The following HDAC4 variants were observed in gnomAD, a reference collection of about 807,000 sequenced individuals.
The protein encoded by HDAC4 is histone deacetylase 4.
In HDAC4, 16 loss-of-function variants were observed where a neutral mutation model predicts 135.1. That is an observed-to-expected ratio of 0.12 (90% CI 0.08 to 0.18). HDAC4 has a LOEUF of 0.18. HDAC4 is among the 10% of genes least tolerant of loss of function. The probability of loss-of-function intolerance (pLI) is 1.00; values close to 1 mark genes in which losing one functional copy is unlikely to be tolerated. For missense variants in HDAC4, 1,143 were observed against 1,511.8 expected, an observed-to-expected ratio of 0.76 and a Z score of 4.05; for synonymous variants, 685 against 653.4, an observed-to-expected ratio of 1.05 and a Z score of -0.74.
chr2:239,070,465 C>T (rs1241140433), intron 22 of HDAC4, among the ~76,000 whole-genome samples: 1 of 152,242 alleles, frequency 6.6e-6, no homozygotes, highest in African/African-American at 2.4e-5. Context: ...GCTATGAATC[C>T]ATGCGTATGC....
intron 16 of HDAC4, among the ~76,000 whole-genome samples, chr2:239,101,868 A>G (rs1428018645): frequency 7.2e-6 from 1 of 139,508 alleles, no homozygotes; most frequent in African/African-American, 2.8e-5. Flanking sequence ...TGTGCCCTGG[A>G]CACCCCCGGC....
chr2:239,088,467 C>A (rs192273655), intron 18 of HDAC4, among the ~76,000 whole-genome samples: 1 of 152,232 alleles, frequency 6.6e-6, no homozygotes, highest in Non-Finnish European at 1.5e-5. Flanking sequence ...TCAGTGCTTC[C>A]GAGTGTAGGC....
rs180914877 is a variant in HDAC4 at position 239,252,981 on chromosome 2, G to A, written c.23-16317C>T. On this transcript the variant is annotated intron_variant, in intron 2 of 26. Coordinates refer to ENST00000543185, the MANE Select transcript of HDAC4 (RefSeq NM_001378414.1). Reference sequence around the variant, plus strand: ...GAGAGCCCGCTGGCCACGGCGGCCCGCACTGCACACTTCCTAGCAGGCTTC... The same window carrying A: ...GAGAGCCCGCTGGCCACGGCGGCCCACACTGCACACTTCCTAGCAGGCTTC... Among the ~76,000 whole-genome samples, 345 of 152,332 alleles carry A rather than the reference G, an allele frequency of 2.3e-3. 1 individual carries two copies. Among genetic ancestry groups the A allele is most frequent in the African/African-American group, 7.8e-3 (325 of 41,576 alleles).
At chr2:239,243,836 A>G (rs1301350943) in intron 2 of HDAC4, among the ~76,000 whole-genome samples, 1 of 152,174 alleles carries the variant, frequency 6.6e-6, no homozygotes, top group Non-Finnish European at 1.5e-5. Context: ...TTCCATCAGG[A>G]TGCTGTGCTT....
At chr2:239,301,464 T>G (rs1448828138) in intron 2 of HDAC4, among the ~76,000 whole-genome samples, 1 of 113,036 alleles carries the variant, frequency 8.8e-6, no homozygotes, top group Middle Eastern at 4.0e-3. Flanking sequence ...CTGCTGGTGC[T>G]TTCTTTCTTT....
At chr2:239,191,248 G>A (rs540195174) in intron 3 of HDAC4, among the ~76,000 whole-genome samples, 3 of 152,256 alleles carry the variant, frequency 2.0e-5, no homozygotes, top group East Asian at 1.9e-4. Flanking sequence ...ACAGCTCCTC[G>A]CCCCTCAGGG....
At chr2:239,270,183 C>T (rs527763386) in intron 2 of HDAC4, among the ~76,000 whole-genome samples, 4 of 152,322 alleles carry the variant, frequency 2.6e-5, no homozygotes, top group Non-Finnish European at 4.4e-5. Flanking sequence ...AGCTCTGTCT[C>T]GGGCTGCACT....
At chr2:239,165,151 A>G (rs1424763043) in intron 5 of HDAC4, among the ~76,000 whole-genome samples, 1 of 152,126 alleles carries the variant, frequency 6.6e-6, no homozygotes, top group African/African-American at 2.4e-5. Flanking sequence ...TGAGCCCGGG[A>G]AGTCCAGGCT....
chr2:239,228,413 GAGTT>G (rs1166759544), intron 3 of HDAC4, among the ~76,000 whole-genome samples: 7 of 152,148 alleles, frequency 4.6e-5, no homozygotes, highest in African/African-American at 7.2e-5. Context: ...GTCACTGTGA[GAGTT>G]AGGAGGAAAG....
At chr2:239,191,003 C>G (rs2044910154) in intron 3 of HDAC4, 1 of 464,840 alleles carries the variant, frequency 2.2e-6, no homozygotes, top group Non-Finnish European at 4.4e-6. Context: ...GCTCCTGGCA[C>G]AGCCCAGGGA....
chr2:239,173,293 G>T (rs1439376122), intron 5 of HDAC4, among the ~76,000 whole-genome samples: 1 of 152,104 alleles, frequency 6.6e-6, no homozygotes, highest in African/African-American at 2.4e-5. Flanking sequence ...CTACATAAAA[G>T]ATAATATATT....
chr2:239,206,833 T>A (rs1351682095), intron 3 of HDAC4, among the ~76,000 whole-genome samples: 1 of 152,162 alleles, frequency 6.6e-6, no homozygotes, highest in Non-Finnish European at 1.5e-5. Flanking sequence ...ATATCAACAT[T>A]GGGTAAAAAT....
intron 22 of HDAC4, among the ~76,000 whole-genome samples, chr2:239,074,259 T>G (rs1468549471): frequency 6.6e-6 from 1 of 152,258 alleles, no homozygotes; most frequent in African/African-American, 2.4e-5. Context: ...AGCCAAGACC[T>G]TTTTCAATGA....
At chr2:239,315,546 G>A (rs527409937) in intron 2 of HDAC4, among the ~76,000 whole-genome samples, 31 of 152,296 alleles carry the variant, frequency 2.0e-4, no homozygotes, top group Admixed American at 1.8e-3. Flanking sequence ...CAGAGAGCAC[G>A]ACAGACACCA....
intron 2 of HDAC4, among the ~76,000 whole-genome samples, chr2:239,278,187 GAAA>G (rs57441784): frequency 1.4e-5 from 2 of 140,928 alleles, no homozygotes; most frequent in Admixed American, 7.1e-5. Flanking sequence ...GAGAAAAAAA[GAAA>G]AAAAAAAAAA....
chr2:239,165,107 C>T (rs2043044158), intron 5 of HDAC4, among the ~76,000 whole-genome samples: 1 of 152,148 alleles, frequency 6.6e-6, no homozygotes, highest in South Asian at 2.1e-4. Context: ...CCTGTAGTTC[C>T]AGCTACTTGG....
At chr2:239,161,638 TC>T (rs1345562675) in intron 6 of HDAC4, among the ~76,000 whole-genome samples, 3 of 152,102 alleles carry the variant, frequency 2.0e-5, no homozygotes, top group Non-Finnish European at 4.4e-5. Context: ...TGAGATCAAG[TC>T]CTTCCCCCTC....
chr2:239,230,667 C>A (rs527741637), intron 3 of HDAC4, among the ~76,000 whole-genome samples: 1 of 152,320 alleles, frequency 6.6e-6, no homozygotes, highest in East Asian at 1.9e-4. Flanking sequence ...CCTATCCAAA[C>A]CCCAGAAATG....
chr2:239,060,057 C>T (rs1343203755), intron 24 of HDAC4, among the ~76,000 whole-genome samples: 2 of 152,206 alleles, frequency 1.3e-5, no homozygotes, highest in Admixed American at 6.5e-5. Flanking sequence ...TGGCTCTGTC[C>T]CAGTCCTCCG....
Sources: gnomAD v4.1 joint callset for allele counts (sites outside exome capture counted in the v4.1 genomes callset) on GRCh38, gnomAD v4.1.1 for gene constraint, MANE v1.5 for transcripts, NCBI Gene and HGNC (gene_info 2026-07-23, HGNC 2026-07-21) for gene names.